HCN1: variants seen among roughly 807,000 people sequenced by gnomAD.
HCN1 encodes the protein potassium/sodium hyperpolarization-activated cyclic nucleotide-gated channel 1.
HCN1 carries 13 observed loss-of-function variants against 78.9 expected under a neutral mutation model. That is an observed-to-expected ratio of 0.16 (90% confidence interval 0.11 to 0.26). The LOEUF (loss-of-function observed/expected upper bound fraction) is 0.26. Ranked by LOEUF, HCN1 falls within the 10% of genes least tolerant of loss-of-function variation. The pLI, the probability that HCN1 is intolerant of heterozygous loss-of-function variation, is 1.00. For synonymous variants in HCN1, 552 were observed against 455.5 expected (o/e 1.21, Z -2.70); for missense variants, 810 against 1,154.3 (o/e 0.70, Z 4.32).
intron 5 of HCN1, among the ~76,000 whole-genome samples, chr5:45,313,504 A>G (rs569287669): frequency 6.6e-6 from 1 of 152,338 alleles, no homozygotes; most frequent in African/African-American, 2.4e-5. Flanking sequence ...GCACCAGAAC[A>G]AAGCTGGATG....
intron 2 of HCN1, among the ~76,000 whole-genome samples, chr5:45,470,371 T>C (rs1300086346): frequency 1.3e-5 from 2 of 151,974 alleles, no homozygotes; most frequent in Non-Finnish European, 2.9e-5. Flanking sequence ...ATTGAACTTA[T>C]TAAAATATAA....
At position 45,664,894 on chromosome 5, in the gene HCN1, T is replaced by C. The variant is rs567440866; in HGVS notation, c.426-19286A>G. 1.4e-4 allele frequency among the ~76,000 whole-genome samples: 21 copies of C among 152,094 alleles called. 1 individual carries two copies. The South Asian group carries it at 4.1e-3, about 30-fold the overall frequency. On this transcript the variant is annotated intron_variant, in intron 1 of 7. Transcript: ENST00000303230. ...ACCATTGTGGAAGTCAGTGTGGCGA[T>C]TCCTCAGGCATCTAGAACTAGAAAT...
Position 45,695,896 on chromosome 5 carries a change from G to C in HCN1, c.198C>G (p.Gly66=), listed in dbSNP as rs1037432166. 6.6e-7 allele frequency: 1 copy of C among 1,511,354 alleles called. No individual in the cohort carries two copies. Among genetic ancestry groups the C allele is most frequent in the African/African-American group, 1.4e-5 (1 of 70,414 alleles). 93.6% of individuals were successfully genotyped at this position (1,511,354 alleles called of 1,614,324 possible). A position where few individuals can be genotyped will look rare whatever the true frequency, so the allele number is the denominator to read the frequency against. ...CGCCGCCGCCGCCGCCGCCGCCACC[G>C]CCGCCACCGCCGTCCACCTTGAAGC... is the stretch of plus-strand genomic sequence containing the variant. The part of the protein sequence containing the change: ...SVCFKVDGGG[G]GGGGGGGGEE... The change falls in exon 1 of 8, where the codon GGC becomes GGG. Residue 66 remains glycine (G), a synonymous_variant. Transcript: ENST00000303230.
At chr5:45,505,875 C>T (rs771580077) in intron 2 of HCN1, among the ~76,000 whole-genome samples, 4 of 151,972 alleles carry the variant, frequency 2.6e-5, no homozygotes, top group South Asian at 2.1e-4. Flanking sequence ...TAATATGACT[C>T]TGGACACCTA....
At chr5:45,411,811 A>G (rs1421164668) in intron 3 of HCN1, among the ~76,000 whole-genome samples, 2 of 152,072 alleles carry the variant, frequency 1.3e-5, no homozygotes, top group Non-Finnish European at 2.9e-5. Context: ...AAATCCTAAT[A>G]TTACTTAATG....
chr5:45,492,008 A>G (rs1389515396), intron 2 of HCN1, among the ~76,000 whole-genome samples: 1 of 152,082 alleles, frequency 6.6e-6, no homozygotes, highest in African/African-American at 2.4e-5. Context: ...CAAGACAAAC[A>G]CTTCATTTGT....
intron 2 of HCN1, among the ~76,000 whole-genome samples, chr5:45,462,959 C>T (rs887115934): frequency 6.6e-6 from 1 of 151,824 alleles, no homozygotes; most frequent in Non-Finnish European, 1.5e-5. Context: ...GGGAGCAGAC[C>T]TACATTGTAG....
intron 2 of HCN1, among the ~76,000 whole-genome samples, chr5:45,516,190 C>T (rs756677025): frequency 1.3e-5 from 2 of 151,916 alleles, no homozygotes; most frequent in Non-Finnish European, 2.9e-5. Flanking sequence ...ACTTATCCTC[C>T]AAATTTGACC....
chr5:45,268,305 C>T (rs969573261), intron 6 of HCN1, among the ~76,000 whole-genome samples: 1 of 152,084 alleles, frequency 6.6e-6, no homozygotes, highest in African/African-American at 2.4e-5. Context: ...GATAATTTTC[C>T]ATTTTGTTTT....
At chr5:45,520,053 A>G (rs1368766597) in intron 2 of HCN1, among the ~76,000 whole-genome samples, 1 of 152,054 alleles carries the variant, frequency 6.6e-6, no homozygotes, top group Non-Finnish European at 1.5e-5. Flanking sequence ...TATAACATTT[A>G]TGAATAAAGA....
chr5:45,630,797 T>A (rs556265896), intron 2 of HCN1, among the ~76,000 whole-genome samples: 3 of 152,288 alleles, frequency 2.0e-5, no homozygotes, highest in South Asian at 2.1e-4. Context: ...CTGTGATACA[T>A]CCTCAAAGAG....
At chr5:45,352,091 G>T (rs547311296) in intron 5 of HCN1, among the ~76,000 whole-genome samples, 1 of 152,234 alleles carries the variant, frequency 6.6e-6, no homozygotes, top group Admixed American at 6.5e-5. Flanking sequence ...GTTTATTGCG[G>T]CACTATTCCC....
chr5:45,409,830 G>C (rs1301152492), intron 3 of HCN1, among the ~76,000 whole-genome samples: 1 of 151,160 alleles, frequency 6.6e-6, no homozygotes, highest in African/African-American at 2.4e-5. Flanking sequence ...ATGATTATAA[G>C]ATCAAAATAC....
intron 2 of HCN1, among the ~76,000 whole-genome samples, chr5:45,583,105 A>G (rs558299807): frequency 2.8e-4 from 43 of 152,236 alleles, no homozygotes; most frequent in African/African-American, 9.4e-4. Flanking sequence ...GAATGGTACC[A>G]GCTCCTCCTT....
At chr5:45,379,488 CA>C (rs35034489) in intron 4 of HCN1, among the ~76,000 whole-genome samples, 52,082 of 151,832 alleles carry the variant, frequency 0.34, 11,795 homozygotes, top group African/African-American at 0.63. Flanking sequence ...AAATAAAACA[CA>C]AATAGCCTGG....
At chr5:45,293,349 T>C (rs766329995) in intron 6 of HCN1, among the ~76,000 whole-genome samples, 1 of 151,850 alleles carries the variant, frequency 6.6e-6, no homozygotes, top group Non-Finnish European at 1.5e-5. Flanking sequence ...TAATGATCAG[T>C]GATATTAGCC....
intron 2 of HCN1, among the ~76,000 whole-genome samples, chr5:45,585,163 A>G (rs1282554325): frequency 1.3e-5 from 2 of 152,186 alleles, no homozygotes; most frequent in East Asian, 3.9e-4. Flanking sequence ...TTTCAGGTAC[A>G]CCAATCAGAT....
intron 2 of HCN1, among the ~76,000 whole-genome samples, chr5:45,551,312 C>T (rs1057073189): frequency 5.3e-5 from 8 of 151,360 alleles, no homozygotes; most frequent in African/African-American, 7.3e-5. Flanking sequence ...TTATCTATTG[C>T]ACATCTAATG....
chr5:45,681,684 T>G (rs971017469), intron 1 of HCN1, among the ~76,000 whole-genome samples: 21 of 152,088 alleles, frequency 1.4e-4, no homozygotes, highest in African/African-American at 5.1e-4. Flanking sequence ...TACAATAAGG[T>G]TTTAAAGGTG....
Sources: allele counts gnomAD v4.1 joint callset (sites outside exome capture counted in the v4.1 genomes callset), GRCh38; gene constraint gnomAD v4.1.1; transcripts MANE v1.5; gene names NCBI Gene and HGNC (gene_info 2026-07-23, HGNC 2026-07-21).